Variants in PRKCI observed in about 807,000 individuals in gnomAD.
The protein encoded by PRKCI is protein kinase C iota type.
Under a neutral mutation model 84.0 loss-of-function variants are expected in PRKCI, and 43 were observed. The ratio of observed to expected loss-of-function variants is 0.51; its 90% CI spans 0.40 to 0.66. The LOEUF (loss-of-function observed/expected upper bound fraction) is 0.66. Among genes scored for constraint, PRKCI ranks in the 30% least tolerant of loss-of-function variants. PRKCI has a pLI of 0.00. For synonymous variants in PRKCI, 216 were observed against 234.4 expected (o/e 0.92, Z 0.72); for missense variants, 459 against 745.6 (o/e 0.62, Z 4.48).
At chr3:170,231,686 A>C (rs1732798433) in intron 1 of PRKCI, among the ~76,000 whole-genome samples, 1 of 152,136 alleles carries the variant, frequency 6.6e-6, no homozygotes, top group Non-Finnish European at 1.5e-5. Context: ...ACTGGTCTCG[A>C]ACGCCTGACC....
chr3:170,267,120 CG>C (rs923887970), intron 4 of PRKCI, among the ~76,000 whole-genome samples: 1 of 151,192 alleles, frequency 6.6e-6, no homozygotes, highest in Non-Finnish European at 1.5e-5. Flanking sequence ...AATTGGGTGG[CG>C]GGGGGGTGCG....
intron 8 of PRKCI, among the ~76,000 whole-genome samples, chr3:170,276,058 C>T (rs568242700): frequency 3.4e-4 from 51 of 151,666 alleles, no homozygotes; most frequent in African/African-American, 1.2e-3. Context: ...CTTAGCCTCC[C>T]GAGTAGCTAG....
At chr3:170,273,055 T>TTGG (rs1734036771) in intron 6 of PRKCI, among the ~76,000 whole-genome samples, 2 of 152,202 alleles carry the variant, frequency 1.3e-5, no homozygotes, top group African/African-American at 4.8e-5. Context: ...TGATTTCTAA[T>TTGG]TGGTGGTCTG....
At chr3:170,240,764 A>G (rs1684885) in intron 2 of PRKCI, among the ~76,000 whole-genome samples, 125,321 of 152,140 alleles carry the variant, frequency 0.82, 51,698 homozygotes, top group South Asian at 0.88. Context: ...TAATTGTTGG[A>G]ATTTTATGTT....
chr3:170,281,443 A>C, intron 10 of PRKCI, 180 bp downstream of exon 10: 1 of 562,714 alleles, frequency 1.8e-6, no homozygotes, highest in Non-Finnish European at 3.1e-6. Context: ...TTAGATCAGC[A>C]TTAGGAAATG....
intron 1 of PRKCI, among the ~76,000 whole-genome samples, chr3:170,227,707 G>A (rs1355776683): frequency 6.6e-6 from 1 of 152,172 alleles, no homozygotes; most frequent in Non-Finnish European, 1.5e-5. Context: ...AGTTCACAGG[G>A]GCTAGATTGT....
chr3:170,292,083 G>C (rs1734566431), intron 13 of PRKCI, 142 bp downstream of exon 13: 2 of 660,882 alleles, frequency 3.0e-6, no homozygotes, highest in Middle Eastern at 3.3e-4. Context: ...AAACTACATG[G>C]AGAGTCCCAG....
chr3:170,247,851 C>G (rs1733329088), intron 2 of PRKCI, among the ~76,000 whole-genome samples: 1 of 149,942 alleles, frequency 6.7e-6, no homozygotes, highest in East Asian at 2.0e-4. Context: ...GCCAAAAATT[C>G]ACTACTGTTG....
intron 2 of PRKCI, among the ~76,000 whole-genome samples, chr3:170,235,955 T>A (rs989934447): frequency 6.6e-5 from 10 of 152,142 alleles, no homozygotes; most frequent in African/African-American, 1.9e-4. Context: ...TTAAATTTTT[T>A]TTTTTTATTT....
intron 13 of PRKCI, among the ~76,000 whole-genome samples, chr3:170,292,446 G>A (rs1039929): frequency 0.18 from 26,840 of 152,076 alleles, 2,441 homozygotes; most frequent in Non-Finnish European, 0.19. Flanking sequence ...TCAGGCACCC[G>A]AAGATACACT....
chr3:170,236,970 A>G (rs1732995432), intron 2 of PRKCI, among the ~76,000 whole-genome samples: 1 of 134,302 alleles, frequency 7.4e-6, no homozygotes, highest in Non-Finnish European at 1.7e-5. Flanking sequence ...GGAGATGGAC[A>G]CATGTGTAAC....
intron 11 of PRKCI, among the ~76,000 whole-genome samples, chr3:170,282,844 T>C (rs897598003): frequency 6.6e-6 from 1 of 151,286 alleles, no homozygotes; most frequent in African/African-American, 2.4e-5. Flanking sequence ...CAGTGGCTCA[T>C]GCCTGTAATC....
intron 2 of PRKCI, among the ~76,000 whole-genome samples, chr3:170,248,698 T>C (rs561885362): frequency 2.4e-4 from 37 of 152,284 alleles, no homozygotes; most frequent in African/African-American, 8.4e-4. Flanking sequence ...TACTTCCTTA[T>C]GGTTATTCAG....
intron 4 of PRKCI, 129 bp downstream of exon 4, chr3:170,263,558 G>GC: frequency 1.5e-6 from 1 of 682,440 alleles, no homozygotes; most frequent in Non-Finnish European, 2.4e-6. Flanking sequence ...TCCCAGCACT[G>GC]TGGGAAGCTG....
In PRKCI at chr3:170,283,299, A is replaced by G. The variant is rs376922878; in HGVS notation, c.1068-1162A>G. 5.3e-4 allele frequency among the ~76,000 whole-genome samples: 80 copies of G among 152,284 alleles called. No individual in the cohort carries two copies. The South Asian group carries it at 0.016, about 31-fold the overall frequency. On this transcript the variant is annotated intron_variant, in intron 11 of 17. Transcript: ENST00000295797. ...TCAGCAGTAATTCTCACCCTTTCCT[A>G]CTTCACAAGAGTAATGCCAAAATGA...
intron 12 of PRKCI, among the ~76,000 whole-genome samples, chr3:170,288,700 T>C (rs1343646925): frequency 1.3e-5 from 2 of 152,082 alleles, no homozygotes; most frequent in African/African-American, 2.4e-5. Context: ...TGCAGTGAGC[T>C]AAGATCACAC....
intron 1 of PRKCI, among the ~76,000 whole-genome samples, chr3:170,234,385 C>T (rs1269695978): frequency 6.6e-6 from 1 of 152,076 alleles, no homozygotes; most frequent in Non-Finnish European, 1.5e-5. Context: ...TTTGTATGTT[C>T]TGATAAGTGT....
chr3:170,296,000 G>A lies in PRKCI; in HGVS notation c.1497+10G>A. 2.1e-6 allele frequency: 3 copies of A among 1,442,636 alleles called. No individual in the cohort carries two copies. The highest frequency in any genetic ancestry group is 2.8e-6 in the Non-Finnish European group (3 of 1,060,730). 89.4% of individuals were successfully genotyped at this position (1,442,636 alleles called of 1,614,324 possible). A position where few individuals can be genotyped will look rare whatever the true frequency, so the allele number is the denominator to read the frequency against. On this transcript the variant is annotated intron_variant, in intron 15 of 17. Coordinates refer to ENST00000295797, the MANE Select transcript of PRKCI (RefSeq NM_002740.6). ...GAGTTTTCTTAATAAGGTATAAATT[G>A]TGTATAAGAATATTTTGTGATTTGT... is the stretch of plus-strand genomic sequence containing the variant.
intron 2 of PRKCI, among the ~76,000 whole-genome samples, chr3:170,237,978 A>G (rs1416463299): frequency 6.6e-6 from 1 of 152,184 alleles, no homozygotes; most frequent in African/African-American, 2.4e-5. Flanking sequence ...TAACATGACA[A>G]ATGACATACA....
Sources: gnomAD v4.1 joint callset for allele counts (sites outside exome capture counted in the v4.1 genomes callset) on GRCh38, gnomAD v4.1.1 for gene constraint, MANE v1.5 for transcripts, NCBI Gene and HGNC (gene_info 2026-07-23, HGNC 2026-07-21) for gene names.